Variants in STX8 observed in about 807,000 individuals in gnomAD.
STX8 encodes the protein syntaxin 8, also known as syntaxin-8.
STX8 carries 23 observed loss-of-function variants against 37.5 expected under a neutral mutation model. The observed-to-expected ratio is 0.61, with a 90% CI of 0.44 to 0.87. STX8 has a LOEUF of 0.87. STX8 is among the 40% of genes least tolerant of loss of function. The probability of loss-of-function intolerance (pLI) is 0.00; values close to 1 mark genes in which losing one functional copy is unlikely to be tolerated. For missense variants in STX8, 313 were observed against 284.7 expected (o/e 1.10, Z -0.71); for synonymous variants, 115 against 99.1 (o/e 1.16, Z -0.95).
At chr17:9,373,861 C>A (rs1911494690) in intron 7 of STX8, among the ~76,000 whole-genome samples, 1 of 151,422 alleles carries the variant, frequency 6.6e-6, no homozygotes, top group South Asian at 2.1e-4. Flanking sequence ...ATCGCTCGAA[C>A]CCGGAAGGCA....
intron 5 of STX8, among the ~76,000 whole-genome samples, chr17:9,494,823 G>T (rs1904328990): frequency 6.6e-6 from 1 of 151,904 alleles, no homozygotes; most frequent in Non-Finnish European, 1.5e-5. Context: ...TGAACTGGGG[G>T]TCTCGGTCAT....
chr17:9,405,005 A>T (rs1439598576), intron 6 of STX8, among the ~76,000 whole-genome samples: 1 of 151,600 alleles, frequency 6.6e-6, no homozygotes, highest in Non-Finnish European at 1.5e-5. Context: ...GCCTCTCCAC[A>T]GTCTCTCTCA....
intron 7 of STX8, among the ~76,000 whole-genome samples, chr17:9,264,251 C>G (rs1907148072): frequency 6.6e-6 from 1 of 152,182 alleles, no homozygotes; most frequent in Non-Finnish European, 1.5e-5. Flanking sequence ...AATTCCTAAC[C>G]CACAGAATTG....
At chr17:9,437,462 A>G (rs1041522738) in intron 6 of STX8, among the ~76,000 whole-genome samples, 30 of 152,226 alleles carry the variant, frequency 2.0e-4, no homozygotes, top group African/African-American at 5.8e-4. Context: ...AAGAGTAACA[A>G]TGGCAGGGAT....
intron 6 of STX8, among the ~76,000 whole-genome samples, chr17:9,490,029 G>A (rs1906785189): frequency 6.6e-6 from 1 of 152,084 alleles, no homozygotes; most frequent in Non-Finnish European, 1.5e-5. Flanking sequence ...CTTAAGGAAG[G>A]AACTGACCAA....
chr17:9,341,505 C>T (rs572571300), intron 7 of STX8, among the ~76,000 whole-genome samples: 12 of 152,088 alleles, frequency 7.9e-5, no homozygotes, highest in South Asian at 2.1e-4. Flanking sequence ...GGCGTGATCT[C>T]GGCTCACTGC....
intron 4 of STX8, among the ~76,000 whole-genome samples, chr17:9,539,214 A>G (rs549858054): frequency 6.6e-6 from 1 of 151,306 alleles, no homozygotes; most frequent in African/African-American, 2.4e-5. Flanking sequence ...CTGAAGTTTG[A>G]CCATTCTTGA....
intron 4 of STX8, among the ~76,000 whole-genome samples, chr17:9,515,132 G>A (rs1597718966): frequency 6.6e-6 from 1 of 152,138 alleles, no homozygotes. Flanking sequence ...GCATTCTGGT[G>A]GGATGAAACA....
At chr17:9,498,389 C>CA (rs796262688) in intron 5 of STX8, among the ~76,000 whole-genome samples, 3,399 of 88,504 alleles carry the variant, frequency 0.038, 122 homozygotes, top group African/African-American at 0.12. Flanking sequence ...GACACCATCT[C>CA]AAAAAAAAAA....
chr17:9,480,832 T>C (rs1294780095), intron 6 of STX8, among the ~76,000 whole-genome samples: 1 of 152,116 alleles, frequency 6.6e-6, no homozygotes, highest in African/African-American at 2.4e-5. Flanking sequence ...TGTGTGTCTA[T>C]ACTCCACATT....
At chr17:9,250,848 AGG>A (rs145697247) in intron 7 of STX8, among the ~76,000 whole-genome samples, 1,591 of 152,160 alleles carry the variant, frequency 0.01, 26 homozygotes, top group African/African-American at 0.031. Flanking sequence ...TGCAGAAGGC[AGG>A]GGCCTGGGTG....
chr17:9,379,404 A>T (rs1911715048), intron 6 of STX8, among the ~76,000 whole-genome samples: 1 of 152,200 alleles, frequency 6.6e-6, no homozygotes, highest in Non-Finnish European at 1.5e-5. Context: ...GACTAAGAGT[A>T]AACAAATACG....
chr17:9,363,232 G>C (rs1036586559), intron 7 of STX8, among the ~76,000 whole-genome samples: 1 of 152,172 alleles, frequency 6.6e-6, no homozygotes, highest in South Asian at 2.1e-4. Context: ...CATGTGAAAA[G>C]ACATAAAGTG....
At chr17:9,446,577 G>A (rs1904859715) in intron 6 of STX8, among the ~76,000 whole-genome samples, 1 of 152,156 alleles carries the variant, frequency 6.6e-6, no homozygotes, top group African/African-American at 2.4e-5. Flanking sequence ...TGCTACACGG[G>A]TTACTATCCA....
chr17:9,423,346 C>T (rs770958967), intron 6 of STX8, among the ~76,000 whole-genome samples: 4 of 152,084 alleles, frequency 2.6e-5, no homozygotes, highest in South Asian at 2.1e-4. Flanking sequence ...TTTTTTGAGA[C>T]GGAGTCTCTC....
intron 7 of STX8, among the ~76,000 whole-genome samples, chr17:9,327,018 G>A (rs140650979): frequency 0.018 from 2,741 of 152,050 alleles, 39 homozygotes; most frequent in Non-Finnish European, 0.027. Context: ...TTAGCCGGGC[G>A]TGATGGTGCA....
At chr17:9,407,937 T>C (rs984851983) in intron 6 of STX8, among the ~76,000 whole-genome samples, 9 of 152,150 alleles carry the variant, frequency 5.9e-5, no homozygotes, top group Admixed American at 3.3e-4. Context: ...GGTCTAGCTA[T>C]GTTAATGGAG....
chr17:9,501,600 A>C (rs928615928), intron 5 of STX8, among the ~76,000 whole-genome samples: 22 of 152,086 alleles, frequency 1.4e-4, no homozygotes, highest in African/African-American at 5.3e-4. Context: ...CTGAGGCAGG[A>C]GAATCGCTTG....
chr17:9,561,317 C>T (rs1196784207), intron 2 of STX8, among the ~76,000 whole-genome samples: 1 of 151,912 alleles, frequency 6.6e-6, no homozygotes, highest in Non-Finnish European at 1.5e-5. Context: ...CTAAATATAC[C>T]AGATCAAAGC....
Sources: allele counts gnomAD v4.1 joint callset (sites outside exome capture counted in the v4.1 genomes callset), GRCh38; gene constraint gnomAD v4.1.1; transcripts MANE v1.5; gene names NCBI Gene and HGNC (gene_info 2026-07-23, HGNC 2026-07-21).